The following MUC7 variants were observed in gnomAD, a reference collection of about 807,000 sequenced individuals.
MUC7 encodes mucin 7, secreted, also known as mucin-7.
In MUC7, 2 loss-of-function variants were observed where a neutral mutation model predicts 2.5. That is an observed-to-expected ratio of 0.81 (90% CI 0.33 to 2.55). The LOEUF is 2.55. MUC7 is among the 30% of genes most tolerant of loss of function. The probability of loss-of-function intolerance (pLI) is 0.11; values close to 1 mark genes in which losing one functional copy is unlikely to be tolerated. For missense variants in MUC7, 408 were observed against 455.6 expected, an observed-to-expected ratio of 0.90 and a Z score of 0.95; for synonymous variants, 133 against 173.4, an observed-to-expected ratio of 0.77 and a Z score of 1.83.
chr4:70,471,073 G>A (rs1222006465), upstream of MUC7, among the ~76,000 whole-genome samples: 1 of 152,174 alleles, frequency 6.6e-6, no homozygotes, highest in Non-Finnish European at 1.5e-5. Context: ...CTCAGAGACT[G>A]TATGTGCAAA....
intron 2 of MUC7, among the ~76,000 whole-genome samples, chr4:70,475,245 C>A (rs1292011413): frequency 6.6e-6 from 1 of 152,022 alleles, no homozygotes; most frequent in Non-Finnish European, 1.5e-5. Context: ...CATCACTGCA[C>A]TACAGCCTGG....
intron 1 of MUC7, among the ~76,000 whole-genome samples, chr4:70,448,730 C>A (rs1734205941): frequency 1.3e-5 from 2 of 152,152 alleles, no homozygotes; most frequent in Admixed American, 1.3e-4. Flanking sequence ...GTTGTCTCAT[C>A]ACTTTGTTGA....
At chr4:70,450,523 C>T (rs1734254592) in intron 1 of MUC7, among the ~76,000 whole-genome samples, 1 of 152,114 alleles carries the variant, frequency 6.6e-6, no homozygotes, top group Non-Finnish European at 1.5e-5. Context: ...GAGTTTTTGC[C>T]TGATAGCCAC....
At chr4:70,447,411 A>G (rs1366782980) in intron 1 of MUC7, among the ~76,000 whole-genome samples, 1 of 152,124 alleles carries the variant, frequency 6.6e-6, no homozygotes, top group Non-Finnish European at 1.5e-5. Flanking sequence ...GTAGCTTTAT[A>G]TCATATTACA....
At chr4:70,469,039 G>C (rs376894137), upstream of MUC7, among the ~76,000 whole-genome samples, 1 of 152,104 alleles carries the variant, frequency 6.6e-6, no homozygotes, top group East Asian at 1.9e-4. Context: ...AAACAACATG[G>C]TACTGGCACC....
chr4:70,480,990 C>CA lies in MUC7; in HGVS notation c.249dup (p.Phe84IlefsTer9), dbSNP rs771455926. On this transcript the variant is annotated frameshift_variant, in exon 3 of 3. Transcript: ENST00000304887. LOFTEE classifies it low-confidence loss of function (END_TRUNC). Reference sequence around the variant, plus strand: ...TTCCACCTTCACCTAATAACCCCCCCAAATTCCCAAATCCTCACCAGCCAC... The same window carrying CA: ...TTCCACCTTCACCTAATAACCCCCCCAAAATTCCCAAATCCTCACCAGCCAC... The CA allele has an allele frequency of 2.5e-6, 4 of 1,613,962 alleles. No individual in the cohort carries two copies. The highest frequency in any genetic ancestry group is 1.7e-5 in the Admixed American group (1 of 59,998).
At chr4:70,457,676 T>C (rs1734447055) in intron 1 of MUC7, among the ~76,000 whole-genome samples, 1 of 151,940 alleles carries the variant, frequency 6.6e-6, no homozygotes, top group Non-Finnish European at 1.5e-5. Flanking sequence ...AATAAAAGAA[T>C]GTAATGAATA....
At chr4:70,479,354 A>C (rs754937583) in intron 2 of MUC7, among the ~76,000 whole-genome samples, 9 of 152,118 alleles carry the variant, frequency 5.9e-5, no homozygotes, top group Non-Finnish European at 1.3e-4. Context: ...TTGAGGTTGG[A>C]TATATTAGTC....
intron 1 of MUC7, among the ~76,000 whole-genome samples, chr4:70,436,032 C>G (rs549916261): frequency 6.6e-6 from 1 of 152,304 alleles, no homozygotes; most frequent in African/African-American, 2.4e-5. Flanking sequence ...TATTGGCCCC[C>G]ACTCTCTTCT....
At chr4:70,445,268 C>T (rs530438062) in intron 1 of MUC7, among the ~76,000 whole-genome samples, 3 of 152,264 alleles carry the variant, frequency 2.0e-5, no homozygotes, top group South Asian at 4.1e-4. Flanking sequence ...CTGCCTCCTC[C>T]GTACTTCATA....
chr4:70,482,028 C>A lies in MUC7; in HGVS notation c.*150C>A. The A allele has an allele frequency of 1.0e-6, 1 of 984,240 alleles. No homozygotes were observed. 61.0% of individuals were successfully genotyped at this position (984,240 alleles called of 1,614,324 possible). A position where few individuals can be genotyped will look rare whatever the true frequency, so the allele number is the denominator to read the frequency against. ...TTAATCTTTCAATCTAATTATTCAC[C>A]ACCACAAGACCTATTAACAAGACAA... On this transcript the variant is annotated 3_prime_UTR_variant, in exon 3 of 3. Coordinates refer to ENST00000304887, the MANE Select transcript of MUC7 (RefSeq NM_152291.3).
intron 1 of MUC7, among the ~76,000 whole-genome samples, chr4:70,464,844 G>A (rs1022855304): frequency 2.0e-5 from 3 of 152,172 alleles, no homozygotes; most frequent in Admixed American, 6.5e-5. Flanking sequence ...AAACCTTCCC[G>A]CCTGCCGGCT....
At chr4:70,479,282 A>ATG (rs1284685890) in intron 2 of MUC7, among the ~76,000 whole-genome samples, 1 of 152,230 alleles carries the variant, frequency 6.6e-6, no homozygotes, top group African/African-American at 2.4e-5. Context: ...CCTCAATCAC[A>ATG]TGAGCCTCAC....
intron 1 of MUC7, among the ~76,000 whole-genome samples, chr4:70,455,571 CTCA>C (rs1164701394): frequency 6.6e-6 from 1 of 152,104 alleles, no homozygotes; most frequent in Non-Finnish European, 1.5e-5. Context: ...GGACATTAAT[CTCA>C]TCATTTTACA....
Position 70,481,012 on chromosome 4 carries a change from C to T in MUC7, c.268C>T (p.Pro90Ser), listed in dbSNP as rs201101259. The change falls in exon 3 of 3, where the codon CCA becomes TCA. Residue 90 changes from proline (P) to serine (S), a missense_variant. Pro to Ser is a moderately conservative substitution (Grantham distance 74). This residue lies in a region of MUC7 where 225 missense variants were observed against 240.5 expected (regional missense o/e 0.94). Coordinates refer to ENST00000304887, the MANE Select transcript of MUC7 (RefSeq NM_152291.3). Reference sequence around the variant, plus strand: ...CCCCAAATTCCCAAATCCTCACCAGCCACCTAAACATCCAGATAAAAATAG... The same window carrying T: ...CCCCAAATTCCCAAATCCTCACCAGTCACCTAAACATCCAGATAAAAATAG... ...NPPKFPNPHQ[P>S]PKHPDKNSSV... 3.8e-4 allele frequency: 616 copies of T among 1,614,074 alleles called. 7 individuals carry two copies. The South Asian group carries it at 6.0e-3, about 16-fold the overall frequency.
At chr4:70,472,607 G>A (rs1734864507) in intron 1 of MUC7, among the ~76,000 whole-genome samples, 1 of 152,128 alleles carries the variant, frequency 6.6e-6, no homozygotes, top group Admixed American at 6.5e-5. Flanking sequence ...TAATACCACT[G>A]AGACTTTATT....
At chr4:70,444,543 C>A (rs1336584999) in intron 1 of MUC7, among the ~76,000 whole-genome samples, 1 of 152,208 alleles carries the variant, frequency 6.6e-6, no homozygotes, top group Non-Finnish European at 1.5e-5. Flanking sequence ...GACTCAACCT[C>A]CCCATCTAAT....
intron 1 of MUC7, among the ~76,000 whole-genome samples, chr4:70,451,981 T>A (rs1285405034): frequency 6.6e-6 from 1 of 152,236 alleles, no homozygotes; most frequent in African/African-American, 2.4e-5. Flanking sequence ...TGCTATATCC[T>A]CTTGCTGAAT....
intron 1 of MUC7, among the ~76,000 whole-genome samples, chr4:70,460,058 T>C (rs1002636404): frequency 6.6e-6 from 1 of 152,056 alleles, no homozygotes; most frequent in Admixed American, 6.6e-5. Context: ...TAAATTAAAG[T>C]TATGGGCCCA....
Sources: allele counts gnomAD v4.1 joint callset (sites outside exome capture counted in the v4.1 genomes callset), GRCh38; gene constraint gnomAD v4.1.1; regional missense constraint gnomAD v4.1.1; transcripts MANE v1.5; gene names NCBI Gene and HGNC (gene_info 2026-07-23, HGNC 2026-07-21).